The following BAZ2B variants were observed in gnomAD, a reference collection of about 807,000 sequenced individuals.
BAZ2B encodes the protein bromodomain adjacent to zinc finger domain protein 2B.
Under a neutral mutation model 246.0 loss-of-function variants are expected in BAZ2B, and 91 were observed. The observed-to-expected ratio is 0.37, with a 90% CI of 0.31 to 0.44. BAZ2B has a LOEUF of 0.44. Among genes scored for constraint, BAZ2B ranks in the 20% least tolerant of loss-of-function variants. BAZ2B has a pLI of 1.00. For missense variants in BAZ2B, 2,332 were observed against 2,533.7 expected (o/e 0.92, Z 1.71); for synonymous variants, 855 against 860.0 (o/e 0.99, Z 0.10).
At chr2:159,366,814 T>C (rs2060264811) in intron 27 of BAZ2B, among the ~76,000 whole-genome samples, 1 of 152,200 alleles carries the variant, frequency 6.6e-6, no homozygotes, top group Non-Finnish European at 1.5e-5. Context: ...GCTATATGAC[T>C]CTTTCAGCAC....
intron 3 of BAZ2B, chr2:159,462,967 T>A (rs918373462): frequency 3.0e-6 from 3 of 990,642 alleles, no homozygotes; most frequent in African/African-American, 1.6e-5. Flanking sequence ...TGATCAAATG[T>A]AAAGGAAATT....
chr2:159,458,333 C>CTT (rs59409554), intron 3 of BAZ2B: 6 of 145,402 alleles, frequency 4.1e-5, no homozygotes, highest in Middle Eastern at 3.6e-3. Flanking sequence ...TTTCTTTTTT[C>CTT]TTTTTTTTTT....
At chr2:159,483,112 G>A (rs1022267631) in intron 2 of BAZ2B, among the ~76,000 whole-genome samples, 4 of 151,958 alleles carry the variant, frequency 2.6e-5, no homozygotes, top group African/African-American at 4.8e-5. Flanking sequence ...ATGACCTCCC[G>A]TCTATAATTC....
intron 1 of BAZ2B, among the ~76,000 whole-genome samples, chr2:159,578,467 G>T (rs1685891046): frequency 1.3e-5 from 2 of 152,048 alleles, no homozygotes; most frequent in Admixed American, 1.3e-4. Context: ...CAAACAAAAT[G>T]TCCCTCAACA....
intron 2 of BAZ2B, among the ~76,000 whole-genome samples, chr2:159,540,037 T>C (rs1559727232): frequency 6.6e-6 from 1 of 152,194 alleles, no homozygotes; most frequent in Non-Finnish European, 1.5e-5. Context: ...TGTTTGGAGC[T>C]CTTATCAATA....
chr2:159,693,410 G>T, the BAZ2B span: 1 of 143,924 alleles, frequency 6.9e-6, no homozygotes, highest in East Asian at 2.0e-4. Flanking sequence ...AAATATATTT[G>T]CCTTAAAAAT....
chr2:159,411,150 T>C (rs1047148014), intron 14 of BAZ2B, among the ~76,000 whole-genome samples: 3 of 152,266 alleles, frequency 2.0e-5, no homozygotes, highest in South Asian at 2.1e-4. Flanking sequence ...GCCTCCACAA[T>C]AGCTAAGATT....
At chr2:159,708,077 G>A in the BAZ2B span, among the ~76,000 whole-genome samples, 5 of 152,232 alleles carry the variant, frequency 3.3e-5, no homozygotes, top group Non-Finnish European at 5.9e-5. Flanking sequence ...TTGGGAGGCC[G>A]GGGAGGGAGG....
intron 4 of BAZ2B, among the ~76,000 whole-genome samples, chr2:159,452,511 C>A (rs978969684): frequency 6.6e-6 from 1 of 152,088 alleles, no homozygotes; most frequent in Non-Finnish European, 1.5e-5. Context: ...ACTAACAAAG[C>A]CAGATTTAAA....
At chr2:159,622,534 T>C in the BAZ2B span, among the ~76,000 whole-genome samples, 3 of 152,242 alleles carry the variant, frequency 2.0e-5, no homozygotes, top group East Asian at 5.8e-4. Flanking sequence ...AAATAGCTTT[T>C]CTATAGCCAA....
intron 2 of BAZ2B, among the ~76,000 whole-genome samples, chr2:159,494,016 C>T (rs1483080967): frequency 6.6e-6 from 1 of 152,156 alleles, no homozygotes; most frequent in Non-Finnish European, 1.5e-5. Flanking sequence ...CTAGGTATTC[C>T]ACTGCCCTTT....
chr2:159,499,528 G>A lies in BAZ2B; in HGVS notation c.-2-20807C>T, dbSNP rs187060977. On this transcript the variant is annotated intron_variant, in intron 2 of 36. Transcript: ENST00000392783. ...TACTAGAATGATTTATATTCCTATG[G>A]GTATACACCCAGTTATGGGATTGCT... is the stretch of plus-strand genomic sequence containing the variant. Among the ~76,000 whole-genome samples the A allele has an allele frequency of 1.4e-3, 207 of 152,114 alleles. 2 individuals are homozygous for A. Among genetic ancestry groups the A allele is most frequent in the African/African-American group, 4.7e-3 (196 of 41,494 alleles).
chr2:159,660,329 TATAG>T, the BAZ2B span, among the ~76,000 whole-genome samples: 14 of 152,234 alleles, frequency 9.2e-5, no homozygotes, highest in Non-Finnish European at 1.8e-4. Context: ...TATTCCACTG[TATAG>T]ATACATAACA....
intron 1 of BAZ2B, among the ~76,000 whole-genome samples, chr2:159,566,641 A>G (rs1445005841): frequency 1.3e-5 from 2 of 152,174 alleles, no homozygotes; most frequent in Non-Finnish European, 2.9e-5. Flanking sequence ...CCCTTTGCTT[A>G]TTTAACTATT....
chr2:159,628,659 A>G, the BAZ2B span, among the ~76,000 whole-genome samples: 3 of 152,242 alleles, frequency 2.0e-5, no homozygotes, highest in African/African-American at 7.2e-5. Context: ...CACCTTATAC[A>G]AAAATTAACT....
At chr2:159,557,616 G>A (rs773712889) in intron 1 of BAZ2B, among the ~76,000 whole-genome samples, 3 of 152,062 alleles carry the variant, frequency 2.0e-5, no homozygotes, top group African/African-American at 7.2e-5. Flanking sequence ...CATAACAAAC[G>A]CCACCTCCTT....
intron 2 of BAZ2B, among the ~76,000 whole-genome samples, chr2:159,552,084 A>G (rs1313681892): frequency 1.3e-5 from 2 of 152,140 alleles, no homozygotes; most frequent in African/African-American, 4.8e-5. Flanking sequence ...CTTTCCCACA[A>G]ACTCTCTAGA....
chr2:159,481,549 T>C (rs1463817073), intron 2 of BAZ2B, among the ~76,000 whole-genome samples: 5 of 151,752 alleles, frequency 3.3e-5, no homozygotes, highest in Admixed American at 2.0e-4. Context: ...CTCCAAAATA[T>C]CAATTAAATG....
At chr2:159,478,953 T>G (rs912831761) in intron 2 of BAZ2B, among the ~76,000 whole-genome samples, 1 of 152,188 alleles carries the variant, frequency 6.6e-6, no homozygotes. Context: ...CCCAAATTAA[T>G]AGTGGTTTGA....
Sources: gnomAD v4.1 joint callset for allele counts (sites outside exome capture counted in the v4.1 genomes callset) on GRCh38, gnomAD v4.1.1 for gene constraint, MANE v1.5 for transcripts, NCBI Gene and HGNC (gene_info 2026-07-23, HGNC 2026-07-21) for gene names.